Variants in LINGO2 observed in about 807,000 individuals in gnomAD.
LINGO2 encodes the protein leucine rich repeat and Ig domain containing 2.
In LINGO2, 14 loss-of-function variants were observed where a neutral mutation model predicts 30.6. The observed-to-expected ratio is 0.46, with a 90% CI of 0.30 to 0.72. The LOEUF (loss-of-function observed/expected upper bound fraction) is 0.72. LINGO2 is among the 30% of genes least tolerant of loss of function. LINGO2 has a pLI of 0.07. For synonymous variants in LINGO2, 317 were observed against 288.5 expected, an observed-to-expected ratio of 1.10 and a Z score of -1.00; for missense variants, 729 against 751.7, an observed-to-expected ratio of 0.97 and a Z score of 0.35.
intron 4 of LINGO2, among the ~76,000 whole-genome samples, chr9:28,158,897 A>G (rs895233176): frequency 7.2e-5 from 11 of 152,198 alleles, no homozygotes; most frequent in Non-Finnish European, 1.3e-4. Context: ...TAAACACTGA[A>G]AAAGGACTAT....
chr9:28,893,082 A>G, the LINGO2 span, among the ~76,000 whole-genome samples: 1 of 151,984 alleles, frequency 6.6e-6, no homozygotes, highest in Non-Finnish European at 1.5e-5. Context: ...ACGTCTACAA[A>G]AGCAAATGTG....
At chr9:28,406,205 G>T (rs553257679) in intron 2 of LINGO2, among the ~76,000 whole-genome samples, 1 of 152,246 alleles carries the variant, frequency 6.6e-6, no homozygotes, top group African/African-American at 2.4e-5. Flanking sequence ...TAGGGAGGAG[G>T]TGGGCAGATC....
the LINGO2 span, among the ~76,000 whole-genome samples, chr9:28,777,019 G>A: frequency 6.6e-6 from 1 of 152,014 alleles, no homozygotes; most frequent in African/African-American, 2.4e-5. Context: ...TTAAAAGTGT[G>A]TGGCACGTCC....
chr9:28,226,697 AAG>A (rs397959895), intron 4 of LINGO2, among the ~76,000 whole-genome samples: 1 of 60,536 alleles, frequency 1.7e-5, no homozygotes, highest in Non-Finnish European at 3.1e-5. Flanking sequence ...GAAAGAAAGA[AAG>A]AAAGAGAAAG....
At chr9:28,361,362 T>C (rs571324223) in intron 3 of LINGO2, among the ~76,000 whole-genome samples, 1 of 152,318 alleles carries the variant, frequency 6.6e-6, no homozygotes, top group Non-Finnish European at 1.5e-5. Flanking sequence ...TAGAGTTCGA[T>C]ATTATCTGTG....
the LINGO2 span, among the ~76,000 whole-genome samples, chr9:29,015,011 T>C: frequency 6.6e-6 from 1 of 152,166 alleles, no homozygotes; most frequent in Admixed American, 6.5e-5. Context: ...TAATAGTTTT[T>C]AAGGATGATT....
chr9:28,830,993 A>T, the LINGO2 span, among the ~76,000 whole-genome samples: 4 of 152,258 alleles, frequency 2.6e-5, no homozygotes, highest in Admixed American at 2.6e-4. Flanking sequence ...GGCCTAGACT[A>T]CAATGGAGCT....
intron 4 of LINGO2, among the ~76,000 whole-genome samples, chr9:28,047,782 G>T (rs192876568): frequency 1.7e-5 from 2 of 116,314 alleles, no homozygotes; most frequent in East Asian, 5.2e-4. Flanking sequence ...AAATTATACT[G>T]AACAAGAAAA....
chr9:28,852,744 C>G, the LINGO2 span, among the ~76,000 whole-genome samples: 1 of 151,950 alleles, frequency 6.6e-6, no homozygotes, highest in South Asian at 2.1e-4. Context: ...ACTTTTCTAC[C>G]AGTTGTCTAA....
chr9:29,095,711 A>G, the LINGO2 span, among the ~76,000 whole-genome samples: 1 of 139,088 alleles, frequency 7.2e-6, no homozygotes, highest in Non-Finnish European at 1.6e-5. Flanking sequence ...GTATATTGTC[A>G]AGTGTTGGGA....
At chr9:29,111,009 A>G in the LINGO2 span, among the ~76,000 whole-genome samples, 2 of 151,924 alleles carry the variant, frequency 1.3e-5, no homozygotes, top group African/African-American at 2.4e-5. Flanking sequence ...TTTTTAAAAA[A>G]TAAGTTACTA....
At position 28,559,245 on chromosome 9, in the gene LINGO2, C is replaced by T. The variant is rs150808699; in HGVS notation, c.-364-83220G>A. ...AGGGACTTTTCATGTTTTCAGTTTTCAATTTACAACTGTGGGTCAAAGTCA... is the reference window on the plus strand; with the variant it reads ...AGGGACTTTTCATGTTTTCAGTTTTTAATTTACAACTGTGGGTCAAAGTCA... On this transcript the variant is annotated intron_variant, in intron 1 of 5. Coordinates refer to ENST00000379992, the Ensembl canonical transcript of LINGO2. 5.9e-3 allele frequency among the ~76,000 whole-genome samples: 895 copies of T among 152,194 alleles called. 3 individuals are homozygous for T. The highest frequency in any genetic ancestry group is 0.012 in the Admixed American group (189 of 15,276).
chr9:29,132,317 C>T, the LINGO2 span, among the ~76,000 whole-genome samples: 5 of 152,198 alleles, frequency 3.3e-5, no homozygotes, highest in South Asian at 2.1e-4. Flanking sequence ...CAACTTTCCA[C>T]GCCCAAGTAA....
the LINGO2 span, among the ~76,000 whole-genome samples, chr9:29,098,454 C>A: frequency 6.6e-5 from 10 of 150,408 alleles, no homozygotes; most frequent in African/African-American, 1.2e-4. Flanking sequence ...GGGATACACA[C>A]ACACACACAC....
intron 4 of LINGO2, among the ~76,000 whole-genome samples, chr9:28,204,194 G>A (rs1820333504): frequency 6.6e-6 from 1 of 152,028 alleles, no homozygotes; most frequent in African/African-American, 2.4e-5. Flanking sequence ...AACTATATCT[G>A]TGTCTGTATC....
chr9:28,306,573 A>G (rs1181331736), intron 3 of LINGO2, among the ~76,000 whole-genome samples: 1 of 152,166 alleles, frequency 6.6e-6, no homozygotes, highest in East Asian at 1.9e-4. Flanking sequence ...AGAAATAACT[A>G]AAATCAGAGC....
intron 4 of LINGO2, among the ~76,000 whole-genome samples, chr9:28,144,845 T>C (rs1827770015): frequency 6.6e-6 from 1 of 152,192 alleles, no homozygotes; most frequent in Non-Finnish European, 1.5e-5. Flanking sequence ...AACAAGGATG[T>C]AAAGAAGATT....
intron 3 of LINGO2, among the ~76,000 whole-genome samples, chr9:28,351,349 C>T (rs1303399405): frequency 6.8e-6 from 1 of 146,486 alleles, no homozygotes; most frequent in African/African-American, 2.5e-5. Flanking sequence ...ATACAAACTA[C>T]CATCAGAGAA....
the LINGO2 span, among the ~76,000 whole-genome samples, chr9:28,744,609 C>CGGGTGTGTGTGTGTGTGT: frequency 1.5e-5 from 2 of 133,954 alleles, no homozygotes; most frequent in African/African-American, 2.8e-5. Context: ...ATATTCCCCT[C>CGGGTGTGTGTGTGTGTGT]GTGTGTGTGT....
Sources: allele counts gnomAD v4.1 joint callset (sites outside exome capture counted in the v4.1 genomes callset), GRCh38; gene constraint gnomAD v4.1.1; transcripts MANE v1.5; gene names NCBI Gene and HGNC (gene_info 2026-07-23, HGNC 2026-07-21).